The following ZNF713 variants were observed in gnomAD, a reference collection of about 807,000 sequenced individuals.
ZNF713 encodes zinc finger protein 713.
In ZNF713, 21 loss-of-function variants were observed where a neutral mutation model predicts 28.7. The ratio of observed to expected loss-of-function variants is 0.73; its 90% CI spans 0.52 to 1.05. The LOEUF is 1.05. ZNF713 is among the 50% of genes least tolerant of loss of function. The pLI, the probability that ZNF713 is intolerant of heterozygous loss-of-function variation, is 0.00. For synonymous variants in ZNF713, 167 were observed against 178.0 expected (o/e 0.94, Z 0.49); for missense variants, 458 against 532.4 (o/e 0.86, Z 1.37).
intron 2 of ZNF713, among the ~76,000 whole-genome samples, chr7:55,909,385 C>T (rs1180591305): frequency 6.6e-6 from 1 of 152,002 alleles, no homozygotes; most frequent in South Asian, 2.1e-4. Context: ...CTATTCTGTT[C>T]CATTGATCTA....
intron 2 of ZNF713, among the ~76,000 whole-genome samples, chr7:55,906,741 T>A (rs1311347857): frequency 6.6e-6 from 1 of 152,196 alleles, no homozygotes; most frequent in Admixed American, 6.6e-5. Flanking sequence ...TGGGTTTGTG[T>A]ATGACACTTA....
intron 4 of ZNF713, among the ~76,000 whole-genome samples, chr7:55,914,206 C>A (rs1395501980): frequency 1.3e-5 from 2 of 151,640 alleles, no homozygotes; most frequent in East Asian, 3.9e-4. Context: ...TATTTAAGAT[C>A]TCTTTTATGG....
rs1235295418 is a variant in ZNF713, at chr7:55,939,864, C to T, written c.1190C>T (p.Pro397Leu). 6.2e-7 allele frequency: 1 copy of T among 1,613,932 alleles called. No homozygotes were observed. The highest frequency in any genetic ancestry group is 8.5e-7 in the Non-Finnish European group (1 of 1,179,974). Reference sequence around the variant, plus strand: ...GAAAGAACTCATACAGGAGAGAAACCCTATAAATGTAATGAATGCGGGAAA... The same window carrying T: ...GAAAGAACTCATACAGGAGAGAAACTCTATAAATGTAATGAATGCGGGAAA... ...QHERTHTGEK[P>L]YKCNECGKAF... The change falls in exon 7 of 7, where the codon CCC (proline) becomes CTC (leucine). Residue 397 changes from proline (P) to leucine (L), a missense_variant. Pro to Leu is a moderately conservative substitution (Grantham distance 98). Coordinates refer to ENST00000429591, the MANE Select transcript of ZNF713 (RefSeq NM_182633.3).
chr7:55,927,674 A>G lies in ZNF713; in HGVS notation c.307+3975A>G, dbSNP rs184680953. 3.7e-4 allele frequency among the ~76,000 whole-genome samples: 56 copies of G among 152,074 alleles called. No homozygotes were observed. In the East Asian group the frequency reaches 9.3e-3, roughly 25 times the overall value. ...CACTTTGGGAGGCCGAGATGGACGG[A>G]TCACTTGAGGTCAGGAGTTCAGGAC... is the stretch of plus-strand genomic sequence containing the variant. On this transcript the variant is annotated intron_variant, in intron 6 of 6. Transcript: ENST00000429591.
At chr7:55,907,321 A>G (rs1213607200) in intron 2 of ZNF713, among the ~76,000 whole-genome samples, 1 of 152,188 alleles carries the variant, frequency 6.6e-6, no homozygotes, top group Non-Finnish European at 1.5e-5. Flanking sequence ...ATCTAGGTGC[A>G]CTGCCTTCCA....
Position 55,939,853 on chromosome 7 carries a change from A to G in ZNF713, c.1179A>G (p.Thr393=). 1 of 1,614,154 alleles carries G rather than the reference A, an allele frequency of 6.2e-7. No individual in the cohort carries two copies. The highest frequency in any genetic ancestry group is 8.5e-7 in the Non-Finnish European group (1 of 1,179,984). ...THLNQHERTH[T]GEKPYKCNEC... ...TGAATCAACATGAAAGAACTCATAC[A>G]GGAGAGAAACCCTATAAATGTAATG... The change falls in exon 7 of 7, where the codon ACA becomes ACG. Residue 393 remains threonine, a synonymous_variant. Coordinates refer to ENST00000429591, the MANE Select transcript of ZNF713 (RefSeq NM_182633.3).
intron 1 of ZNF713, among the ~76,000 whole-genome samples, chr7:55,887,938 C>CGGGAGGGG (rs1785308525): frequency 1.5e-5 from 2 of 136,920 alleles, no homozygotes; most frequent in South Asian, 2.3e-4. Flanking sequence ...CGGCCGCTGT[C>CGGGAGGGG]CCCGCTGTCC....
At chr7:55,927,370 A>T (rs1024905148) in intron 6 of ZNF713, among the ~76,000 whole-genome samples, 12 of 151,942 alleles carry the variant, frequency 7.9e-5, no homozygotes, top group African/African-American at 2.7e-4. Flanking sequence ...CTACAAAAAA[A>T]TTAAAAGCCG....
chr7:55,892,984 G>A (rs950964229), intron 1 of ZNF713, among the ~76,000 whole-genome samples: 12 of 150,876 alleles, frequency 8.0e-5, no homozygotes, highest in Admixed American at 2.6e-4. Flanking sequence ...CCGGGTTCAC[G>A]CCATTCTCTT....
intron 1 of ZNF713, among the ~76,000 whole-genome samples, chr7:55,888,068 A>G (rs1292832228): frequency 6.6e-6 from 1 of 152,136 alleles, no homozygotes; most frequent in Non-Finnish European, 1.5e-5. Flanking sequence ...TCTGAGGCTG[A>G]AGAAAAACTT....
rs1786439744 is a variant in ZNF713 at position 55,940,307 on chromosome 7, A to G, written c.*301A>G. On this transcript the variant is annotated 3_prime_UTR_variant, in exon 7 of 7. Coordinates refer to ENST00000429591, the MANE Select transcript of ZNF713 (RefSeq NM_182633.3). ...CCAGCTAATTTTTTGTATTTTTAGT[A>G]GAGACGGGGTTTCACCATGTTGGCC... 2.0e-6 allele frequency: 1 copy of G among 501,010 alleles called. No individual in the cohort carries two copies. Among genetic ancestry groups the G allele is most frequent in the Non-Finnish European group, 2.7e-6 (1 of 369,520 alleles). The allele number at this position is 501,010 out of a possible 1,614,324, so 31.0% of individuals were successfully genotyped here. A position where few individuals can be genotyped will look rare whatever the true frequency, so the allele number is the denominator to read the frequency against.
chr7:55,923,287 G>A lies in ZNF713; in HGVS notation c.213G>A (p.Leu71=). 2.5e-6 allele frequency: 4 copies of A among 1,605,614 alleles called. No homozygotes were observed. The highest frequency in any genetic ancestry group is 3.4e-6 in the Non-Finnish European group (4 of 1,177,534). ...MLENYRNLVA[L]GYQLCKPEVI... ...AGAACTACAGGAATCTAGTTGCACT[G>A]GGTGAGGATGGCATCCCTGTGAAAC... Residue 71 remains leucine (L), a splice_region_variant and synonymous_variant, in exon 5 of 7, where the codon CTG becomes CTA. Transcript: ENST00000429591.
intron 1 of ZNF713, among the ~76,000 whole-genome samples, chr7:55,889,462 A>T (rs564607678): frequency 1.4e-4 from 21 of 152,354 alleles, no homozygotes; most frequent in African/African-American, 3.6e-4. Context: ...GTTTAAAAAA[A>T]AATAATTTTT....
At chr7:55,928,931 A>C (rs1786154869) in intron 6 of ZNF713, among the ~76,000 whole-genome samples, 1 of 149,878 alleles carries the variant, frequency 6.7e-6, no homozygotes, top group Non-Finnish European at 1.5e-5. Flanking sequence ...CAGGAGTTTG[A>C]GACCAGCCTG....
At chr7:55,915,097 T>C (rs1785856047) in intron 4 of ZNF713, among the ~76,000 whole-genome samples, 1 of 152,190 alleles carries the variant, frequency 6.6e-6, no homozygotes, top group African/African-American at 2.4e-5. Context: ...TCCCAAAGTA[T>C]TGGGATTATA....
chr7:55,893,173 G>A (rs539653483), intron 1 of ZNF713, among the ~76,000 whole-genome samples: 7 of 152,102 alleles, frequency 4.6e-5, no homozygotes, highest in Admixed American at 3.9e-4. Context: ...GTGAGCTACC[G>A]CGCCCGGACT....
chr7:55,921,985 G>A (rs959577861), intron 4 of ZNF713, among the ~76,000 whole-genome samples: 6 of 152,126 alleles, frequency 3.9e-5, no homozygotes, highest in African/African-American at 1.2e-4. Context: ...AAGTGCAGTG[G>A]TGCAGTCTTG....
chr7:55,900,909 G>A (rs1270984692), intron 1 of ZNF713, among the ~76,000 whole-genome samples: 1 of 152,132 alleles, frequency 6.6e-6, no homozygotes, highest in Middle Eastern at 3.2e-3. Context: ...GACCTCAAGT[G>A]ATCCACCCAC....
At chr7:55,927,316 G>A (rs1449063896) in intron 6 of ZNF713, among the ~76,000 whole-genome samples, 1 of 151,704 alleles carries the variant, frequency 6.6e-6, no homozygotes, top group Non-Finnish European at 1.5e-5. Flanking sequence ...CCTTGAGCCC[G>A]GGAGTTCAAG....
Sources: gnomAD v4.1 joint callset for allele counts (sites outside exome capture counted in the v4.1 genomes callset) on GRCh38, gnomAD v4.1.1 for gene constraint, MANE v1.5 for transcripts, NCBI Gene and HGNC (gene_info 2026-07-23, HGNC 2026-07-21) for gene names.